The following PPP1R9A variants were observed in gnomAD, a reference collection of about 807,000 sequenced individuals.
The protein encoded by PPP1R9A is protein phosphatase 1 regulatory subunit 9A, also known as neurabin-1.
A neutral mutation model predicts 141.9 loss-of-function variants in PPP1R9A; 59 were observed. The ratio of observed to expected loss-of-function variants is 0.42; its 90% CI spans 0.34 to 0.52. PPP1R9A has a LOEUF of 0.52. Ranked by LOEUF, PPP1R9A falls within the 20% of genes least tolerant of loss-of-function variation. The probability of loss-of-function intolerance (pLI) is 0.10; values close to 1 mark genes in which losing one functional copy is unlikely to be tolerated. For missense variants in PPP1R9A, 1,444 were observed against 1,611.9 expected, an observed-to-expected ratio of 0.90 and a Z score of 1.78; for synonymous variants, 500 against 569.7, an observed-to-expected ratio of 0.88 and a Z score of 1.74.
intron 7 of PPP1R9A, among the ~76,000 whole-genome samples, chr7:95,213,469 T>C (rs750416100): frequency 6.6e-6 from 1 of 151,878 alleles, no homozygotes; most frequent in African/African-American, 2.4e-5. Context: ...TACAGGCCAG[T>C]GCCACCATTC....
At chr7:95,174,186 T>C (rs1037241318) in intron 5 of PPP1R9A, among the ~76,000 whole-genome samples, 1 of 152,108 alleles carries the variant, frequency 6.6e-6, no homozygotes, top group Non-Finnish European at 1.5e-5. Flanking sequence ...CCCAGTGATA[T>C]GAAGGAACAA....
chr7:95,192,496 T>C (rs1200650624), intron 5 of PPP1R9A, among the ~76,000 whole-genome samples: 1 of 152,072 alleles, frequency 6.6e-6, no homozygotes, highest in Non-Finnish European at 1.5e-5. Context: ...GAACAGTCTA[T>C]AGGAGGTACT....
At chr7:95,179,947 T>C (rs1174893196) in intron 5 of PPP1R9A, among the ~76,000 whole-genome samples, 2 of 152,156 alleles carry the variant, frequency 1.3e-5, no homozygotes, top group African/African-American at 4.8e-5. Flanking sequence ...ATGACCATAC[T>C]GACAAAAGCA....
intron 2 of PPP1R9A, among the ~76,000 whole-genome samples, chr7:95,078,177 G>C (rs978418626): frequency 1.6e-5 from 2 of 127,928 alleles, no homozygotes; most frequent in Non-Finnish European, 3.1e-5. Flanking sequence ...TCCCCTTCCT[G>C]TGTCCATGTG....
intron 2 of PPP1R9A, among the ~76,000 whole-genome samples, chr7:95,041,005 T>A (rs1168838785): frequency 1.3e-5 from 2 of 152,192 alleles, no homozygotes; most frequent in Non-Finnish European, 2.9e-5. Context: ...AGAGGAGATA[T>A]CCCATGAAAT....
intron 2 of PPP1R9A, among the ~76,000 whole-genome samples, chr7:95,061,249 C>A (rs897895559): frequency 1.3e-5 from 2 of 152,104 alleles, no homozygotes; most frequent in Non-Finnish European, 2.9e-5. Context: ...ATATGAAGTT[C>A]TCTATGGAAA....
intron 2 of PPP1R9A, among the ~76,000 whole-genome samples, chr7:95,012,262 G>C (rs1335969339): frequency 6.6e-6 from 1 of 152,134 alleles, no homozygotes; most frequent in East Asian, 1.9e-4. Context: ...ATGGCGGAAG[G>C]TAAAGAGGAA....
chr7:94,934,997 G>C (rs1527674), intron 2 of PPP1R9A, among the ~76,000 whole-genome samples: 87,164 of 151,836 alleles, frequency 0.57, 25,400 homozygotes, highest in South Asian at 0.74. Context: ...GTAGCTTGGA[G>C]TACAGTTGCG....
At position 95,290,984 on chromosome 7, in the gene PPP1R9A, T is replaced by C. The variant is rs1037915187; in HGVS notation, c.*681T>C. The C allele has an allele frequency of 6.6e-6, 1 of 152,278 alleles. No homozygotes were observed. The highest frequency in any genetic ancestry group is 2.4e-5 in the African/African-American group (1 of 41,438). The allele number at this position is 152,278 out of a possible 1,614,324, so 9.4% of individuals were successfully genotyped here. A position where few individuals can be genotyped will look rare whatever the true frequency, so the allele number is the denominator to read the frequency against. On this transcript the variant is annotated 3_prime_UTR_variant, in exon 20 of 20. Coordinates refer to ENST00000433360, the MANE Select transcript of PPP1R9A (RefSeq NM_001166160.2). ...CTGAAAAAAGCAAAAGCCTTAAGAATGTGGATGTGGGTATTACCTTGGGGT... is the reference window on the plus strand; with the variant it reads ...CTGAAAAAAGCAAAAGCCTTAAGAACGTGGATGTGGGTATTACCTTGGGGT...
At chr7:95,054,616 C>T (rs1811262068) in intron 2 of PPP1R9A, among the ~76,000 whole-genome samples, 1 of 152,022 alleles carries the variant, frequency 6.6e-6, no homozygotes, top group African/African-American at 2.4e-5. Flanking sequence ...CTATAAGGCC[C>T]TATGCGTCCT....
intron 2 of PPP1R9A, among the ~76,000 whole-genome samples, chr7:95,061,454 C>T (rs150122435): frequency 0.013 from 1,926 of 152,214 alleles, 21 homozygotes; most frequent in Middle Eastern, 0.017. Context: ...AGAGCTATGG[C>T]GCTGGACGCG....
intron 2 of PPP1R9A, among the ~76,000 whole-genome samples, chr7:95,007,607 A>G (rs1196455286): frequency 6.6e-6 from 1 of 152,204 alleles, no homozygotes; most frequent in Admixed American, 6.5e-5. Context: ...CTTGTATTGA[A>G]ATGGTAATTT....
intron 2 of PPP1R9A, among the ~76,000 whole-genome samples, chr7:94,968,375 T>C (rs1468955309): frequency 6.6e-6 from 1 of 152,086 alleles, no homozygotes; most frequent in Non-Finnish European, 1.5e-5. Flanking sequence ...GGTTTCACCG[T>C]TTTAGCCGGG....
intron 2 of PPP1R9A, among the ~76,000 whole-genome samples, chr7:94,922,986 G>A (rs1793033907): frequency 6.6e-6 from 1 of 151,930 alleles, no homozygotes; most frequent in African/African-American, 2.4e-5. Flanking sequence ...ACATGTCACA[G>A]AAAAAAAATT....
At chr7:94,999,777 T>TTTTA (rs34600036) in intron 2 of PPP1R9A, among the ~76,000 whole-genome samples, 37,345 of 141,136 alleles carry the variant, frequency 0.26, 5,273 homozygotes, top group East Asian at 0.45. Context: ...AGATATCTTA[T>TTTTA]TTTATTTATT....
At chr7:95,123,230 C>T (rs1449795010) in intron 4 of PPP1R9A, among the ~76,000 whole-genome samples, 2 of 152,186 alleles carry the variant, frequency 1.3e-5, no homozygotes, top group Non-Finnish European at 2.9e-5. Flanking sequence ...TACATTAGAA[C>T]TCTGCTTTAC....
chr7:95,132,032 A>G (rs915943234), intron 4 of PPP1R9A, among the ~76,000 whole-genome samples: 1 of 152,132 alleles, frequency 6.6e-6, no homozygotes, highest in Non-Finnish European at 1.5e-5. Flanking sequence ...ATTTTTGTGC[A>G]TTGATTTTGT....
At chr7:94,983,736 A>T (rs1178149971) in intron 2 of PPP1R9A, among the ~76,000 whole-genome samples, 2 of 152,160 alleles carry the variant, frequency 1.3e-5, no homozygotes, top group Non-Finnish European at 2.9e-5. Flanking sequence ...TTGGGCTGAG[A>T]TGATGGGATT....
intron 2 of PPP1R9A, among the ~76,000 whole-genome samples, chr7:95,100,405 C>T (rs966323129): frequency 1.3e-5 from 2 of 152,096 alleles, no homozygotes; most frequent in African/African-American, 2.4e-5. Flanking sequence ...GGGGATACAA[C>T]AATTTACTCC....
Sources: gnomAD v4.1 joint callset for allele counts (sites outside exome capture counted in the v4.1 genomes callset) on GRCh38, gnomAD v4.1.1 for gene constraint, MANE v1.5 for transcripts, NCBI Gene and HGNC (gene_info 2026-07-23, HGNC 2026-07-21) for gene names.